Variants in SELENOF observed in about 807,000 individuals in gnomAD.
The protein encoded by SELENOF is selenoprotein F.
A neutral mutation model predicts 20.5 loss-of-function variants in SELENOF; 16 were observed. The observed-to-expected ratio is 0.78, with a 90% CI of 0.53 to 1.19. The LOEUF (loss-of-function observed/expected upper bound fraction) is 1.19. SELENOF is among the 50% of genes most tolerant of loss of function. SELENOF has a pLI of 0.00. For synonymous variants in SELENOF, 78 were observed against 74.5 expected (o/e 1.05, Z -0.24); for missense variants, 215 against 194.2 (o/e 1.11, Z -0.64).
chr1:86,863,385 G>T lies in SELENOF; in HGVS notation c.*89C>A. The T allele has an allele frequency of 1.8e-6, 2 of 1,136,898 alleles. No homozygotes were observed. The highest frequency in any genetic ancestry group is 1.2e-6 in the Non-Finnish European group (1 of 801,330). The allele number at this position is 1,136,898 out of a possible 1,614,324, so 70.4% of individuals were successfully genotyped here. ...TGCCTCAAGTAAAAGACTGATCAAT[G>T]GAAGCAAGCAAAACTAAATTATTTT... On this transcript the variant is annotated 3_prime_UTR_variant, in exon 5 of 5. Transcript: ENST00000331835.
intron 3 of SELENOF, among the ~76,000 whole-genome samples, chr1:86,879,335 T>C (rs1464703170): frequency 2.0e-5 from 3 of 152,118 alleles, no homozygotes; most frequent in Non-Finnish European, 2.9e-5. Flanking sequence ...AGTAAGAAAT[T>C]TTTTTCCCAA....
intron 2 of SELENOF, among the ~76,000 whole-genome samples, chr1:86,887,572 A>C (rs1475348766): frequency 1.3e-5 from 2 of 152,120 alleles, no homozygotes; most frequent in African/African-American, 2.4e-5. Context: ...GAAAATATAC[A>C]AAAAAACCCC....
upstream of SELENOF, chr1:86,914,208 A>G: frequency 9.6e-7 from 1 of 1,045,056 alleles, no homozygotes; most frequent in Non-Finnish European, 1.5e-6. Context: ...CGTTGCCCTT[A>G]CATCTCTCAT....
At chr1:86,902,001 A>G (rs1659715917) in intron 2 of SELENOF, among the ~76,000 whole-genome samples, 1 of 152,206 alleles carries the variant, frequency 6.6e-6, no homozygotes, top group South Asian at 2.1e-4. Flanking sequence ...GTAGTAGTAC[A>G]GCCCATAGAA....
intron 3 of SELENOF, among the ~76,000 whole-genome samples, chr1:86,869,635 T>G (rs1658702724): frequency 6.7e-6 from 1 of 149,642 alleles, no homozygotes; most frequent in African/African-American, 2.6e-5. Context: ...CAATCTATAC[T>G]TTACCAATTT....
At chr1:86,908,451 G>A (rs1032238315) in intron 1 of SELENOF, among the ~76,000 whole-genome samples, 1 of 152,178 alleles carries the variant, frequency 6.6e-6, no homozygotes, top group African/African-American at 2.4e-5. Context: ...GAAAGAAACA[G>A]GTTTAGGATA....
intron 1 of SELENOF, among the ~76,000 whole-genome samples, chr1:86,908,260 T>C (rs539854148): frequency 1.3e-5 from 2 of 152,276 alleles, no homozygotes; most frequent in South Asian, 4.1e-4. Flanking sequence ...AAACTCCAAA[T>C]CTGAGACAAA....
intron 2 of SELENOF, among the ~76,000 whole-genome samples, chr1:86,890,935 TATTTA>T (rs1467160640): frequency 7.2e-5 from 11 of 152,294 alleles, no homozygotes; most frequent in African/African-American, 1.9e-4. Context: ...TTCCAACTTT[TATTTA>T]ATTTAATTCT....
chr1:86,905,227 CAA>C (rs1021490138), intron 1 of SELENOF, among the ~76,000 whole-genome samples: 8 of 152,272 alleles, frequency 5.3e-5, no homozygotes, highest in African/African-American at 1.9e-4. Flanking sequence ...AAAAAGCTCT[CAA>C]GTCTTTTCCT....
At chr1:86,890,207 T>C (rs1383622776) in intron 2 of SELENOF, among the ~76,000 whole-genome samples, 1 of 152,176 alleles carries the variant, frequency 6.6e-6, no homozygotes, top group African/African-American at 2.4e-5. Flanking sequence ...TCCACTAACT[T>C]TTCCTTTTGC....
rs1340737660 is a variant in SELENOF at position 86,862,734 on chromosome 1, CT to C, written c.*739del. ...TCCAAATTCAGATAGATTTTTGAAA[CT>C]TTTTATTTATATTTTGGTCTTACAA... On this transcript the variant is annotated 3_prime_UTR_variant, in exon 5 of 5. Transcript: ENST00000331835. 6.6e-6 allele frequency: 1 copy of C among 152,084 alleles called. No individual in the cohort carries two copies. Among genetic ancestry groups the C allele is most frequent in the Non-Finnish European group, 1.5e-5 (1 of 67,994 alleles). 9.4% of individuals were successfully genotyped at this position (152,084 alleles called of 1,614,324 possible). A position where few individuals can be genotyped will look rare whatever the true frequency, so the allele number is the denominator to read the frequency against.
rs1033502747 is a variant in SELENOF, at chr1:86,894,018, A to G, written c.252+9263T>C. 4.6e-5 allele frequency among the ~76,000 whole-genome samples: 7 copies of G among 152,238 alleles called. No homozygotes were observed. The East Asian group carries it at 1.3e-3, about 29-fold the overall frequency. On this transcript the variant is annotated intron_variant, in intron 2 of 4. Transcript: ENST00000331835. ...GGAAAGTAGATCTTTAAGTGAAAACAAAAGGCTTTTATCAAATCCCTGACC... is the reference window on the plus strand; with the variant it reads ...GGAAAGTAGATCTTTAAGTGAAAACGAAAGGCTTTTATCAAATCCCTGACC...
chr1:86,873,354 A>ATATT (rs35152661), intron 3 of SELENOF, among the ~76,000 whole-genome samples: 36,161 of 152,042 alleles, frequency 0.24, 4,999 homozygotes, highest in African/African-American at 0.38. Flanking sequence ...TTCATTCAGG[A>ATATT]TATTGTCAAA....
At chr1:86,899,521 G>A (rs1270574203) in intron 2 of SELENOF, among the ~76,000 whole-genome samples, 3 of 146,138 alleles carry the variant, frequency 2.1e-5, no homozygotes, top group Admixed American at 6.7e-5. Flanking sequence ...CTCCCGGACG[G>A]GGCGGCTGGC....
At chr1:86,914,414 C>CCTT (rs1430191073), upstream of SELENOF, 1 of 448,012 alleles carries the variant, frequency 2.2e-6, no homozygotes, top group African/African-American at 2.0e-5. Context: ...TTTAGCCCCG[C>CCTT]CTTCTTCTCC....
chr1:86,900,508 G>A (rs1659670995), intron 2 of SELENOF, among the ~76,000 whole-genome samples: 1 of 152,174 alleles, frequency 6.6e-6, no homozygotes, highest in African/African-American at 2.4e-5. Context: ...AAATCAGGCA[G>A]GGAGGTTGCA....
chr1:86,888,171 A>G (rs6672566), intron 2 of SELENOF, among the ~76,000 whole-genome samples: 3,845 of 151,910 alleles, frequency 0.025, 85 homozygotes, highest in African/African-American at 0.055. Context: ...GAGGTGGGAG[A>G]ATCACTTGGA....
chr1:86,895,378 T>C (rs1186579457), intron 2 of SELENOF, among the ~76,000 whole-genome samples: 1 of 152,246 alleles, frequency 6.6e-6, no homozygotes, highest in Non-Finnish European at 1.5e-5. Context: ...CTACTACTAT[T>C]ACTGCTGCTG....
chr1:86,886,354 C>T (rs558421), intron 2 of SELENOF, among the ~76,000 whole-genome samples: 39,329 of 151,632 alleles, frequency 0.26, 6,280 homozygotes, highest in African/African-American at 0.45. Context: ...ACAGTAGGCT[C>T]TTTGTTCAAC....
Sources: gnomAD v4.1 joint callset for allele counts (sites outside exome capture counted in the v4.1 genomes callset) on GRCh38, gnomAD v4.1.1 for gene constraint, MANE v1.5 for transcripts, NCBI Gene and HGNC (gene_info 2026-07-23, HGNC 2026-07-21) for gene names.